The following DOP1B variants were observed in gnomAD, a reference collection of about 807,000 sequenced individuals.
The protein encoded by DOP1B is protein DOP1B.
Under a neutral mutation model 233.5 loss-of-function variants are expected in DOP1B, and 174 were observed. That is an observed-to-expected ratio of 0.75 (90% CI 0.66 to 0.85). The LOEUF (loss-of-function observed/expected upper bound fraction) is 0.85, where lower values mean the gene tolerates loss of function less well. Ranked by LOEUF, DOP1B falls within the 40% of genes least tolerant of loss-of-function variation. DOP1B has a pLI of 0.00. For missense variants in DOP1B, 2,652 were observed against 2,846.6 expected (o/e 0.93, Z 1.56); for synonymous variants, 1,190 against 1,185.6 (o/e 1.00, Z -0.08).
At chr21:36,252,626 G>C (rs57931290) in intron 22 of DOP1B, among the ~76,000 whole-genome samples, 12,174 of 150,388 alleles carry the variant, frequency 0.081, 862 homozygotes, top group East Asian at 0.29. Context: ...CAATTCTCCT[G>C]CCTCAGCCTC....
chr21:36,279,248 A>C (rs1420245284), intron 30 of DOP1B, among the ~76,000 whole-genome samples: 1 of 144,516 alleles, frequency 6.9e-6, no homozygotes, highest in Admixed American at 7.0e-5. Context: ...CCATCTCTAC[A>C]AAAAAAAAAA....
At chr21:36,259,114 C>T (rs376811343) in intron 23 of DOP1B, among the ~76,000 whole-genome samples, 29 of 151,924 alleles carry the variant, frequency 1.9e-4, no homozygotes, top group African/African-American at 7.0e-4. Context: ...TACAGTCGCC[C>T]GCCACCACGC....
At chr21:36,180,132 T>C in intron 2 of DOP1B, among the ~76,000 whole-genome samples, 1 of 101,092 alleles carries the variant, frequency 9.9e-6, no homozygotes, top group Non-Finnish European at 2.0e-5. Context: ...GGATAATTTA[T>C]AAAGTTAAAA....
chr21:36,280,740 AC>A (rs548399037), intron 31 of DOP1B, among the ~76,000 whole-genome samples: 1 of 152,192 alleles, frequency 6.6e-6, no homozygotes, highest in Non-Finnish European at 1.5e-5. Flanking sequence ...ACGGTGGCTC[AC>A]GCCTGTAATC....
At chr21:36,261,096 G>A (rs1258624190) in intron 24 of DOP1B, 5 of 1,007,306 alleles carry the variant, frequency 5.0e-6, no homozygotes, top group Middle Eastern at 5.0e-4. Flanking sequence ...CAGGCGCGGT[G>A]GCTCACACCT....
chr21:36,292,198 G>A lies in DOP1B; in HGVS notation c.6610G>A (p.Val2204Ile), dbSNP rs1429144854. Residue 2204 changes from valine to isoleucine, a missense_variant, in exon 36 of 37, where the codon GTC (valine) becomes ATC (isoleucine). This residue lies in a region of DOP1B where 2,617 missense variants were observed against 2,794.3 expected (regional missense o/e 0.94). Transcript: ENST00000691173. ...TCACCAAGAATGCAAACCCCACACT[G>A]TCAGGATTCTAGAACTTCTAAAATT... The part of the protein sequence containing the change: ...ENHQECKPHT[V>I]RILELLKLKF... The A allele has an allele frequency of 1.9e-6, 3 of 1,608,946 alleles. No homozygotes were observed. The highest frequency in any genetic ancestry group is 2.5e-6 in the Non-Finnish European group (3 of 1,178,402).
At chr21:36,238,995 T>G (rs2066859786) in intron 17 of DOP1B, among the ~76,000 whole-genome samples, 1 of 152,006 alleles carries the variant, frequency 6.6e-6, no homozygotes, top group Non-Finnish European at 1.5e-5. Context: ...CCCAGCTACT[T>G]GGGATGGTGA....
chr21:36,253,661 A>G, intron 22 of DOP1B, 111 bp from the exon 23 acceptor site: 1 of 1,261,632 alleles, frequency 7.9e-7, no homozygotes. Flanking sequence ...AAGAGATGAA[A>G]ACAGATTGAT....
intron 10 of DOP1B, among the ~76,000 whole-genome samples, chr21:36,221,895 C>T (rs992480740): frequency 2.9e-4 from 44 of 152,206 alleles, no homozygotes; most frequent in African/African-American, 7.9e-4. Context: ...GTTTTTGAGA[C>T]GGAGTCTCGC....
intron 18 of DOP1B, among the ~76,000 whole-genome samples, chr21:36,242,285 G>T (rs994812889): frequency 1.3e-5 from 2 of 151,770 alleles, no homozygotes; most frequent in Non-Finnish European, 1.5e-5. Context: ...CAATTCTCCT[G>T]CCTCAGCCTC....
chr21:36,257,204 T>C (rs951386404), intron 23 of DOP1B, among the ~76,000 whole-genome samples: 3 of 152,198 alleles, frequency 2.0e-5, no homozygotes, highest in African/African-American at 7.2e-5. Context: ...AGAGCTCCTG[T>C]GCCCTCCGTG....
chr21:36,167,379 TG>T (rs1041313193), intron 2 of DOP1B, among the ~76,000 whole-genome samples: 1 of 152,168 alleles, frequency 6.6e-6, no homozygotes, highest in African/African-American at 2.4e-5. Context: ...TTCACCATGT[TG>T]GCCAGGCTGG....
Position 36,239,791 on chromosome 21 carries a change from T to A in DOP1B, c.2903T>A (p.Leu968Gln). The A allele has an allele frequency of 1.3e-6, 2 of 1,552,662 alleles. No individual in the cohort carries two copies. Reference sequence around the variant, plus strand: ...TCCTTGTTTGTCGTGCTGGACAGCCTGGCCTGCACGGATGGTGCCATCGGT... The same window carrying A: ...TCCTTGTTTGTCGTGCTGGACAGCCAGGCCTGCACGGATGGTGCCATCGGT... The part of the protein sequence containing the change: ...DRSLFVVLDS[L>Q]ACTDGAIGAA... Residue 968 changes from leucine to glutamine, a missense_variant, in exon 18 of 37, where the codon CTG becomes CAG. By Grantham distance (113) the Leu-to-Gln change is moderately radical (BLOSUM62 -2). Coordinates refer to ENST00000691173, the MANE Select transcript of DOP1B (RefSeq NM_001320714.2).
At chr21:36,249,833 C>T (rs1036496968) in intron 21 of DOP1B, among the ~76,000 whole-genome samples, 6 of 152,274 alleles carry the variant, frequency 3.9e-5, no homozygotes, top group African/African-American at 9.6e-5. Flanking sequence ...TTAGGTACCA[C>T]GGTGCGTTGT....
At chr21:36,282,710 T>A (rs973041286) in intron 32 of DOP1B, among the ~76,000 whole-genome samples, 3 of 152,100 alleles carry the variant, frequency 2.0e-5, no homozygotes, top group African/African-American at 4.8e-5. Flanking sequence ...GCACGGTGGC[T>A]CACGCCTGTA....
chr21:36,282,869 G>A (rs1366056297), intron 32 of DOP1B, among the ~76,000 whole-genome samples: 1 of 151,602 alleles, frequency 6.6e-6, no homozygotes, highest in African/African-American at 2.4e-5. Context: ...CCAGCTACTG[G>A]GGAGGCAGAA....
intron 18 of DOP1B, 75 bp from the exon 19 acceptor site, chr21:36,244,973 C>T (rs1445375891): frequency 6.9e-7 from 1 of 1,451,172 alleles, no homozygotes. Flanking sequence ...GGCTTTAAGA[C>T]AAAGACCGCC....
At chr21:36,176,470 C>A (rs73202205) in intron 2 of DOP1B, among the ~76,000 whole-genome samples, 9,135 of 152,208 alleles carry the variant, frequency 0.06, 377 homozygotes, top group Non-Finnish European at 0.088. Flanking sequence ...GTAGGGCATC[C>A]TCTGTTAGAG....
At chr21:36,205,964 C>G (rs936367412) in intron 4 of DOP1B, among the ~76,000 whole-genome samples, 2 of 151,820 alleles carry the variant, frequency 1.3e-5, no homozygotes, top group African/African-American at 4.8e-5. Context: ...GAGCCAAGAT[C>G]GTGCCATTGC....
Sources: allele counts gnomAD v4.1 joint callset (sites outside exome capture counted in the v4.1 genomes callset), GRCh38; gene constraint gnomAD v4.1.1; regional missense constraint gnomAD v4.1.1; transcripts MANE v1.5; gene names NCBI Gene and HGNC (gene_info 2026-07-23, HGNC 2026-07-21).